The following RALGPS1 variants were observed in gnomAD, a reference collection of about 807,000 sequenced individuals.
RALGPS1 encodes the protein Ral GEF with PH domain and SH3 binding motif 1, also known as ras-specific guanine nucleotide-releasing factor RalGPS1.
In RALGPS1, 19 loss-of-function variants were observed where a neutral mutation model predicts 78.8. The observed-to-expected ratio is 0.24, with a 90% CI of 0.17 to 0.35. RALGPS1 has a LOEUF of 0.35. Ranked by LOEUF, RALGPS1 falls within the 10% of genes least tolerant of loss-of-function variation. RALGPS1 has a pLI of 1.00. For synonymous variants in RALGPS1, 228 were observed against 256.3 expected, an observed-to-expected ratio of 0.89 and a Z score of 1.06; for missense variants, 454 against 688.3, an observed-to-expected ratio of 0.66 and a Z score of 3.81.
intron 8 of RALGPS1, among the ~76,000 whole-genome samples, chr9:127,150,697 C>T (rs944098091): frequency 6.6e-6 from 1 of 152,236 alleles, no homozygotes; most frequent in Non-Finnish European, 1.5e-5. Flanking sequence ...AACTGGATTA[C>T]TAGGGCAGCC....
chr9:127,130,958 C>A (rs1471200273), intron 8 of RALGPS1, among the ~76,000 whole-genome samples: 2 of 152,248 alleles, frequency 1.3e-5, no homozygotes, highest in African/African-American at 4.8e-5. Flanking sequence ...TTATCTCTTT[C>A]AACATACAGT....
chr9:127,000,799 C>G (rs2043226032), intron 4 of RALGPS1, among the ~76,000 whole-genome samples: 1 of 151,428 alleles, frequency 6.6e-6, no homozygotes, highest in East Asian at 1.9e-4. Context: ...GGTGATCCAC[C>G]TGCCTCAGCC....
chr9:126,941,646 T>C (rs1417813335), intron 1 of RALGPS1, among the ~76,000 whole-genome samples: 1 of 152,188 alleles, frequency 6.6e-6, no homozygotes, highest in East Asian at 1.9e-4. Flanking sequence ...TCTTCACTGC[T>C]CTATCCCTAG....
chr9:127,096,007 AG>A (rs2053089614), intron 8 of RALGPS1, among the ~76,000 whole-genome samples: 1 of 152,044 alleles, frequency 6.6e-6, no homozygotes, highest in South Asian at 2.1e-4. Flanking sequence ...TCTTCTGGGG[AG>A]GAAGGATCTT....
intron 4 of RALGPS1, among the ~76,000 whole-genome samples, chr9:126,987,572 C>T (rs982504852): frequency 1.3e-5 from 2 of 152,174 alleles, no homozygotes; most frequent in African/African-American, 4.8e-5. Context: ...CCCTTGCCGA[C>T]TGGCAGCTGG....
At chr9:127,058,905 G>A (rs558580632) in intron 7 of RALGPS1, among the ~76,000 whole-genome samples, 42 of 152,300 alleles carry the variant, frequency 2.8e-4, no homozygotes, top group Admixed American at 6.5e-4. Context: ...ATTTGCAGCA[G>A]CATTGTGAAA....
intron 8 of RALGPS1, among the ~76,000 whole-genome samples, chr9:127,121,132 A>C (rs1419363030): frequency 1.3e-5 from 2 of 152,180 alleles, no homozygotes; most frequent in Non-Finnish European, 2.9e-5. Context: ...ATGAATAATA[A>C]TGCCTGTGCT....
intron 10 of RALGPS1, 116 bp downstream of exon 10, chr9:127,168,888 C>A: frequency 2.6e-6 from 2 of 776,500 alleles, no homozygotes; most frequent in Non-Finnish European, 4.5e-6. Context: ...ACCTGCAGGG[C>A]TTATCAGAGT....
chr9:127,059,464 T>C (rs550033089), intron 7 of RALGPS1, among the ~76,000 whole-genome samples: 1 of 152,370 alleles, frequency 6.6e-6, no homozygotes, highest in South Asian at 2.1e-4. Context: ...GCTACAACAA[T>C]GGACACTGTT....
intron 4 of RALGPS1, among the ~76,000 whole-genome samples, chr9:127,018,375 C>T (rs915068881): frequency 4.6e-5 from 7 of 151,588 alleles, no homozygotes; most frequent in South Asian, 2.1e-4. Flanking sequence ...TAGTGGCTCA[C>T]GCCTGTAATC....
At chr9:127,126,119 A>G (rs2056596447) in intron 8 of RALGPS1, among the ~76,000 whole-genome samples, 1 of 151,758 alleles carries the variant, frequency 6.6e-6, no homozygotes, top group South Asian at 2.1e-4. Context: ...CACATCCCAA[A>G]CTGACTCTTT....
At chr9:127,084,578 C>T (rs1179006215) in intron 8 of RALGPS1, among the ~76,000 whole-genome samples, 1 of 152,230 alleles carries the variant, frequency 6.6e-6, no homozygotes, top group African/African-American at 2.4e-5. Context: ...TATGCTGTCC[C>T]ATGCCAGGCT....
Position 127,031,328 on chromosome 9 carries a change from A to C in RALGPS1, c.217-3103A>C, listed in dbSNP as rs138160622. Among the ~76,000 whole-genome samples, 317 of 152,380 alleles carry C rather than the reference A, an allele frequency of 2.1e-3. 4 individuals are homozygous for C. The highest frequency in any genetic ancestry group is 7.1e-3 in the Admixed American group (109 of 15,312). On this transcript the variant is annotated intron_variant, in intron 4 of 18. Transcript: ENST00000259351. Reference sequence around the variant, plus strand: ...GAATCTCTTGTAATCCTGTAAGACCAAACACAGAAGAGGAACTGCGCCAAA... The same window carrying C: ...GAATCTCTTGTAATCCTGTAAGACCCAACACAGAAGAGGAACTGCGCCAAA...
intron 4 of RALGPS1, among the ~76,000 whole-genome samples, chr9:127,025,216 C>T (rs186619635): frequency 9.7e-4 from 147 of 152,254 alleles, no homozygotes; most frequent in African/African-American, 2.8e-3. Context: ...CTGATGTATG[C>T]GTCACTCTGT....
rs138269816 is a variant in RALGPS1, at chr9:127,114,279, G to A, written c.610+44923G>A. ...CACAAAGATACTTTTAAGGCTAACA[G>A]CAAAGCTGACATTTATCCCTATTTG... On this transcript the variant is annotated intron_variant, in intron 8 of 18. Transcript: ENST00000259351. Among the ~76,000 whole-genome samples the A allele has an allele frequency of 1.5e-4, 23 of 152,274 alleles. No homozygotes were observed. In the East Asian group the frequency reaches 3.5e-3, roughly 23 times the overall value.
At chr9:127,101,678 C>T (rs997071645) in intron 8 of RALGPS1, among the ~76,000 whole-genome samples, 3 of 152,194 alleles carry the variant, frequency 2.0e-5, no homozygotes, top group Non-Finnish European at 2.9e-5. Flanking sequence ...GTGGGAAAGC[C>T]TGGACAGTTT....
chr9:127,140,989 G>T (rs1415922826), intron 8 of RALGPS1, among the ~76,000 whole-genome samples: 1 of 152,220 alleles, frequency 6.6e-6, no homozygotes, highest in Non-Finnish European at 1.5e-5. Context: ...ATAGCAGGGA[G>T]TTGGGGGTAG....
chr9:127,121,754 G>A (rs1300792025), intron 8 of RALGPS1, among the ~76,000 whole-genome samples: 3 of 152,196 alleles, frequency 2.0e-5, no homozygotes, highest in African/African-American at 4.8e-5. Context: ...GTCCGTTCCC[G>A]TGCTGGGTGC....
At position 126,962,301 on chromosome 9, in the gene RALGPS1, G is replaced by A; in HGVS notation, c.12G>A (p.Arg4=). The A allele has an allele frequency of 6.2e-7, 1 of 1,614,142 alleles. No individual in the cohort carries two copies. Among genetic ancestry groups the A allele is most frequent in the Non-Finnish European group, 8.5e-7 (1 of 1,180,008 alleles). MYK[R]NGLMASVLVT... ...GTGGCCTGGAGACTATGTACAAGAGGAATGGTCTGATGGCTAGCGTGTTGG... is the reference window on the plus strand; with the variant it reads ...GTGGCCTGGAGACTATGTACAAGAGAAATGGTCTGATGGCTAGCGTGTTGG... Residue 4 remains arginine, a synonymous_variant, in exon 2 of 19, where the codon AGG becomes AGA. Coordinates refer to ENST00000259351, the MANE Select transcript of RALGPS1 (RefSeq NM_014636.3).
Sources: allele counts gnomAD v4.1 joint callset (sites outside exome capture counted in the v4.1 genomes callset), GRCh38; gene constraint gnomAD v4.1.1; transcripts MANE v1.5; gene names NCBI Gene and HGNC (gene_info 2026-07-23, HGNC 2026-07-21).